The following TMEM38B variants were observed in gnomAD, a reference collection of about 807,000 sequenced individuals.
TMEM38B encodes transmembrane protein 38B.
Under a neutral mutation model 28.7 loss-of-function variants are expected in TMEM38B, and 24 were observed. The observed-to-expected ratio is 0.84, with a 90% confidence interval of 0.61 to 1.18. The LOEUF (loss-of-function observed/expected upper bound fraction) is 1.18. Ranked by LOEUF, TMEM38B falls within the 50% of genes most tolerant of loss-of-function variation. The probability of loss-of-function intolerance (pLI) is 0.00; values close to 1 mark genes in which losing one functional copy is unlikely to be tolerated. For synonymous variants in TMEM38B, 131 were observed against 127.7 expected, an observed-to-expected ratio of 1.03 and a Z score of -0.17; for missense variants, 380 against 350.9, an observed-to-expected ratio of 1.08 and a Z score of -0.66.
At position 105,774,911 on chromosome 9, in the gene TMEM38B, G is replaced by T. The variant is rs1054798421; in HGVS notation, c.*831G>T. 5.3e-5 allele frequency: 8 copies of T among 151,794 alleles called. No individual in the cohort carries two copies. Among genetic ancestry groups the T allele is most frequent in the Non-Finnish European group, 8.8e-5 (6 of 67,896 alleles). 9.4% of individuals were successfully genotyped at this position (151,794 alleles called of 1,614,324 possible). A position where few individuals can be genotyped will look rare whatever the true frequency, so the allele number is the denominator to read the frequency against. ...TCATAAAAACACATTTGTTTTAATT[G>T]TAGGAGAAATTTTCTCAGCATTTTG... On this transcript the variant is annotated 3_prime_UTR_variant, in exon 6 of 6. Coordinates refer to ENST00000374692, the MANE Select transcript of TMEM38B (RefSeq NM_018112.3).
In TMEM38B at chr9:105,774,230, A is replaced by C. The variant is rs554258197; in HGVS notation, c.*150A>C. On this transcript the variant is annotated 3_prime_UTR_variant, in exon 6 of 6. Coordinates refer to ENST00000374692, the MANE Select transcript of TMEM38B (RefSeq NM_018112.3). The stretch of plus-strand genomic sequence containing the variant: ...GAAAGAAATTCTTTGTTTGAGGGAG[A>C]CTTCCCCTTTCTGGATTGTATTTGT... The C allele has an allele frequency of 3.1e-6, 2 of 645,824 alleles. No individual in the cohort carries two copies. Among genetic ancestry groups the C allele is most frequent in the Non-Finnish European group, 5.3e-6 (2 of 378,300 alleles). The allele number at this position is 645,824 out of a possible 1,614,324, so 40.0% of individuals were successfully genotyped here.
intron 3 of TMEM38B, among the ~76,000 whole-genome samples, 161 bp downstream of exon 3, chr9:105,721,882 A>C (rs967718440): frequency 5.9e-5 from 9 of 152,182 alleles, no homozygotes; most frequent in African/African-American, 1.9e-4. Context: ...AAGTTAATTC[A>C]AAACTAGTAC....
intron 4 of TMEM38B, among the ~76,000 whole-genome samples, chr9:105,739,692 T>A (rs1837124022): frequency 6.6e-6 from 1 of 151,284 alleles, no homozygotes; most frequent in South Asian, 2.1e-4. Context: ...GCCAGTCTAA[T>A]TTTTGTATTT....
chr9:105,745,036 C>T (rs570379114), intron 4 of TMEM38B, among the ~76,000 whole-genome samples: 8 of 152,002 alleles, frequency 5.3e-5, no homozygotes, highest in East Asian at 1.9e-4. Flanking sequence ...TGAATAATGC[C>T]GCAATAAACA....
At chr9:105,764,673 A>G (rs1826299152) in intron 5 of TMEM38B, among the ~76,000 whole-genome samples, 1 of 151,478 alleles carries the variant, frequency 6.6e-6, no homozygotes, top group East Asian at 1.9e-4. Context: ...TAATTTACAG[A>G]TTCAATGCCA....
chr9:105,740,455 C>G (rs1837158972), intron 4 of TMEM38B, among the ~76,000 whole-genome samples: 1 of 151,686 alleles, frequency 6.6e-6, no homozygotes. Context: ...TTTGTAGAGA[C>G]CAGGTTTCAC....
At chr9:105,711,206 C>T (rs764456994) in intron 2 of TMEM38B, among the ~76,000 whole-genome samples, 45 of 148,404 alleles carry the variant, frequency 3.0e-4, no homozygotes, top group Non-Finnish European at 6.0e-4. Context: ...TTTGGGAGGC[C>T]GAGGTGGGCG....
At chr9:105,766,924 T>A (rs931773706) in intron 5 of TMEM38B, among the ~76,000 whole-genome samples, 2 of 120,114 alleles carry the variant, frequency 1.7e-5, no homozygotes, top group African/African-American at 6.4e-5. Flanking sequence ...CGGTGTGTGG[T>A]GTTCCCCACC....
intron 5 of TMEM38B, among the ~76,000 whole-genome samples, chr9:105,770,599 G>T (rs1278152753): frequency 6.6e-6 from 1 of 151,884 alleles, no homozygotes; most frequent in Non-Finnish European, 1.5e-5. Context: ...AATCATTCAT[G>T]TTAATAATTA....
intron 4 of TMEM38B, 146 bp from the exon 5 acceptor site, chr9:105,747,926 CA>C: frequency 1.8e-6 from 1 of 561,458 alleles, no homozygotes; most frequent in Middle Eastern, 4.7e-4. Flanking sequence ...GCACTTTCAA[CA>C]CTTTTTAAAG....
chr9:105,748,080 A>G lies in TMEM38B; in HGVS notation c.550A>G (p.Lys184Glu). 6.2e-7 allele frequency: 1 copy of G among 1,611,662 alleles called. No individual in the cohort carries two copies. Among genetic ancestry groups the G allele is most frequent in the Non-Finnish European group, 8.5e-7 (1 of 1,178,608 alleles). The part of the protein sequence containing the change: ...DEWLKMSYPA[K>E]VTLLGSVIFT... ...AATGTGTTTTATTTTCAGCCCTGCCAAGGTAACCCTGCTGGGGTCAGTTAT... is the reference window on the plus strand; with the variant it reads ...AATGTGTTTTATTTTCAGCCCTGCCGAGGTAACCCTGCTGGGGTCAGTTAT... Residue 184 changes from lysine (K) to glutamate (E), a missense_variant, in exon 5 of 6, where the codon AAG becomes GAG. Coordinates refer to ENST00000374692, the MANE Select transcript of TMEM38B (RefSeq NM_018112.3).
At chr9:105,724,500 A>G (rs765539656) in intron 4 of TMEM38B, among the ~76,000 whole-genome samples, 70 of 151,848 alleles carry the variant, frequency 4.6e-4, no homozygotes, top group Non-Finnish European at 7.5e-4. Context: ...GCATATACCT[A>G]TAATCCCAGC....
chr9:105,706,355 G>A (rs576732838), intron 2 of TMEM38B, among the ~76,000 whole-genome samples: 10 of 152,308 alleles, frequency 6.6e-5, no homozygotes, highest in Non-Finnish European at 1.0e-4. Context: ...GCAGTGGCGC[G>A]CTCTCAGCTT....
intron 5 of TMEM38B, among the ~76,000 whole-genome samples, chr9:105,750,804 T>A (rs1260514589): frequency 2.0e-5 from 3 of 152,234 alleles, no homozygotes; most frequent in Admixed American, 6.5e-5. Flanking sequence ...ATGATCTGTT[T>A]TGAGTTAAAT....
At chr9:105,764,424 C>G (rs1006617915) in intron 5 of TMEM38B, among the ~76,000 whole-genome samples, 5 of 152,120 alleles carry the variant, frequency 3.3e-5, no homozygotes, top group Admixed American at 2.0e-4. Flanking sequence ...CACAAGCATT[C>G]TTATACACCA....
At chr9:105,765,625 C>T (rs1826346829) in intron 5 of TMEM38B, among the ~76,000 whole-genome samples, 2 of 152,028 alleles carry the variant, frequency 1.3e-5, no homozygotes, top group Non-Finnish European at 2.9e-5. Flanking sequence ...TGAGATTTAT[C>T]CATGTAATTA....
At chr9:105,756,937 G>A (rs1303373731) in intron 5 of TMEM38B, among the ~76,000 whole-genome samples, 1 of 151,718 alleles carries the variant, frequency 6.6e-6, no homozygotes, top group Non-Finnish European at 1.5e-5. Flanking sequence ...TAGTTTTTGG[G>A]GGACAGGTGT....
intron 2 of TMEM38B, 111 bp downstream of exon 2, chr9:105,705,864 A>G: frequency 8.6e-7 from 1 of 1,163,390 alleles, no homozygotes; most frequent in Non-Finnish European, 1.2e-6. Flanking sequence ...TGAAAAGTTA[A>G]TGCATCTGCA....
At chr9:105,752,576 C>T (rs532302733) in intron 5 of TMEM38B, among the ~76,000 whole-genome samples, 1 of 152,254 alleles carries the variant, frequency 6.6e-6, no homozygotes, top group South Asian at 2.1e-4. Context: ...CAAACCGCAG[C>T]AACCCTGTGG....
Sources: allele counts gnomAD v4.1 joint callset (sites outside exome capture counted in the v4.1 genomes callset), GRCh38; gene constraint gnomAD v4.1.1; transcripts MANE v1.5; gene names NCBI Gene and HGNC (gene_info 2026-07-23, HGNC 2026-07-21).